DOK6: variants seen among roughly 807,000 people sequenced by gnomAD.
DOK6 encodes downstream of tyrosine kinase 6.
DOK6 carries 22 observed loss-of-function variants against 44.0 expected under a neutral mutation model. That is an observed-to-expected ratio of 0.50 (90% CI 0.36 to 0.71). The LOEUF is 0.71. DOK6 is among the 30% of genes least tolerant of loss of function. DOK6 has a pLI of 0.00. For missense variants in DOK6, 340 were observed against 416.4 expected (o/e 0.82, Z 1.60); for synonymous variants, 166 against 145.5 (o/e 1.14, Z -1.01).
chr18:69,710,368 G>A (rs1267069233), intron 5 of DOK6, among the ~76,000 whole-genome samples: 2 of 152,142 alleles, frequency 1.3e-5, no homozygotes, highest in Admixed American at 1.3e-4. Context: ...GTATTCTCAT[G>A]CTTCTCACAA....
chr18:69,416,181 C>CGAAGGAAG (rs1568250409), intron 1 of DOK6, among the ~76,000 whole-genome samples: 3 of 2,618 alleles, frequency 1.1e-3, no homozygotes, highest in Non-Finnish European at 1.1e-3. Context: ...AAGGAAGGAA[C>CGAAGGAAG]GAAGGAAGGA....
chr18:69,516,859 C>G (rs11376786), intron 1 of DOK6, among the ~76,000 whole-genome samples: 6,312 of 124,070 alleles, frequency 0.051, 203 homozygotes, highest in Admixed American at 0.11. Context: ...TTTTTTTTTT[C>G]TAGTGAAGAC....
At chr18:69,764,869 A>T (rs534987144) in intron 7 of DOK6, among the ~76,000 whole-genome samples, 1 of 152,172 alleles carries the variant, frequency 6.6e-6, no homozygotes, top group Non-Finnish European at 1.5e-5. Flanking sequence ...AGTAACACTG[A>T]TTAATATCCA....
At chr18:69,401,420 C>T (rs1416562925) in intron 1 of DOK6, 110 bp downstream of exon 1, 1 of 1,237,580 alleles carries the variant, frequency 8.1e-7, no homozygotes, top group Non-Finnish European at 1.1e-6. Flanking sequence ...CAGAGAGGGA[C>T]CCGGCCCTTA....
intron 5 of DOK6, among the ~76,000 whole-genome samples, chr18:69,737,614 A>C (rs1442604734): frequency 6.6e-6 from 1 of 152,206 alleles, no homozygotes; most frequent in Non-Finnish European, 1.5e-5. Flanking sequence ...ACACTGAAGA[A>C]AGAACATCTT....
At position 69,401,442 on chromosome 18, in the gene DOK6, C is replaced by T. The variant is rs1189377859; in HGVS notation, c.66+132C>T. ...GGACCCGGCCCTTAGGCGGATGGCC[C>T]GCTTGTTGCTTGGCCAGGTGGGGGC... On this transcript the variant is annotated intron_variant, in intron 1 of 7. Transcript: ENST00000382713. 3.8e-6 allele frequency: 4 copies of T among 1,062,172 alleles called. No individual in the cohort carries two copies. In the South Asian group the frequency reaches 9.5e-5, roughly 25 times the overall value. The allele number at this position is 1,062,172 out of a possible 1,614,324, so 65.8% of individuals were successfully genotyped here. A position where few individuals can be genotyped will look rare whatever the true frequency, so the allele number is the denominator to read the frequency against.
At chr18:69,449,077 T>C (rs893589671) in intron 1 of DOK6, among the ~76,000 whole-genome samples, 21 of 152,242 alleles carry the variant, frequency 1.4e-4, no homozygotes, top group Admixed American at 1.4e-3. Context: ...ATCCTAGAGA[T>C]CTTTCGCTCT....
At chr18:69,781,034 A>G (rs971163062) in intron 7 of DOK6, among the ~76,000 whole-genome samples, 1 of 152,170 alleles carries the variant, frequency 6.6e-6, no homozygotes, top group African/African-American at 2.4e-5. Context: ...TATGGTGCAC[A>G]CTGTGTCTTT....
chr18:69,573,983 G>A (rs1464934884), intron 2 of DOK6, among the ~76,000 whole-genome samples: 1 of 152,014 alleles, frequency 6.6e-6, no homozygotes, highest in African/African-American at 2.4e-5. Context: ...CTTGTTGAGT[G>A]AGATAAGTAA....
At position 69,732,530 on chromosome 18, in the gene DOK6, G is replaced by A. The variant is rs1978445413; in HGVS notation, c.600-6435G>A. Reference sequence around the variant, plus strand: ...TATATATTTTCAAAGATTTACTAAAGCCAAACTCCAGAGTGTTCAGGGAGA... The same window carrying A: ...TATATATTTTCAAAGATTTACTAAAACCAAACTCCAGAGTGTTCAGGGAGA... On this transcript the variant is annotated intron_variant, in intron 5 of 7. Coordinates refer to ENST00000382713, the MANE Select transcript of DOK6 (RefSeq NM_152721.6). Among the ~76,000 whole-genome samples, 3 of 152,056 alleles carry A rather than the reference G, an allele frequency of 2.0e-5. No individual in the cohort carries two copies. The South Asian group carries it at 6.2e-4, about 32-fold the overall frequency.
intron 3 of DOK6, among the ~76,000 whole-genome samples, chr18:69,617,662 G>A (rs904305773): frequency 1.0e-4 from 10 of 99,500 alleles, no homozygotes; most frequent in African/African-American, 2.9e-4. Flanking sequence ...GGAAAAGAGC[G>A]ATAAGAGAAA....
chr18:69,467,450 T>C (rs1387419678), intron 1 of DOK6, among the ~76,000 whole-genome samples: 4 of 152,184 alleles, frequency 2.6e-5, no homozygotes, highest in South Asian at 2.1e-4. Context: ...TATAGTCCTA[T>C]ACTATAGGAA....
intron 3 of DOK6, among the ~76,000 whole-genome samples, chr18:69,630,777 T>A (rs1368788093): frequency 6.6e-6 from 1 of 152,228 alleles, no homozygotes; most frequent in African/African-American, 2.4e-5. Flanking sequence ...CACTGTATAA[T>A]ACAAATCATT....
chr18:69,540,182 G>A (rs1014970896), intron 1 of DOK6, among the ~76,000 whole-genome samples: 2 of 152,084 alleles, frequency 1.3e-5, no homozygotes. Context: ...ATGAGATTTG[G>A]GTGGGAACAC....
At chr18:69,820,993 C>G (rs1449482363) in intron 7 of DOK6, among the ~76,000 whole-genome samples, 2 of 152,046 alleles carry the variant, frequency 1.3e-5, no homozygotes, top group Non-Finnish European at 2.9e-5. Flanking sequence ...CAAAACTCCC[C>G]ATGACAAAAG....
At chr18:69,726,067 A>C (rs1213890207) in intron 5 of DOK6, among the ~76,000 whole-genome samples, 1 of 152,204 alleles carries the variant, frequency 6.6e-6, no homozygotes, top group East Asian at 1.9e-4. Context: ...AGGAAAATGC[A>C]GTCGGTACAC....
intron 1 of DOK6, among the ~76,000 whole-genome samples, chr18:69,437,519 A>C (rs574028050): frequency 6.6e-6 from 1 of 152,004 alleles, no homozygotes; most frequent in Non-Finnish European, 1.5e-5. Context: ...TGGTCTCTAT[A>C]TCTGTTTTGG....
chr18:69,668,887 T>G (rs1250081560), intron 3 of DOK6, among the ~76,000 whole-genome samples: 1 of 152,206 alleles, frequency 6.6e-6, no homozygotes, highest in African/African-American at 2.4e-5. Context: ...TTAAAAGTAC[T>G]TTGTCAATGA....
chr18:69,645,141 T>C (rs1192358716), intron 3 of DOK6, among the ~76,000 whole-genome samples: 3 of 152,156 alleles, frequency 2.0e-5, no homozygotes, highest in Non-Finnish European at 4.4e-5. Flanking sequence ...TGATACAATG[T>C]GTGTGTATAA....
Sources: gnomAD v4.1 joint callset for allele counts (sites outside exome capture counted in the v4.1 genomes callset) on GRCh38, gnomAD v4.1.1 for gene constraint, MANE v1.5 for transcripts, NCBI Gene and HGNC (gene_info 2026-07-23, HGNC 2026-07-21) for gene names.